PTPRN2: variants seen among roughly 807,000 people sequenced by gnomAD.
PTPRN2 encodes receptor-type tyrosine-protein phosphatase N2.
PTPRN2 carries 74 observed loss-of-function variants against 118.8 expected under a neutral mutation model. The ratio of observed to expected loss-of-function variants is 0.62; its 90% CI spans 0.52 to 0.76. The LOEUF (loss-of-function observed/expected upper bound fraction) is 0.76. Among genes scored for constraint, PTPRN2 ranks in the 30% least tolerant of loss-of-function variants. The pLI is 0.00. For synonymous variants in PTPRN2, 641 were observed against 608.0 expected (o/e 1.05, Z -0.80); for missense variants, 1,481 against 1,394.4 (o/e 1.06, Z -0.99).
intron 9 of PTPRN2, among the ~76,000 whole-genome samples, chr7:158,129,465 C>T (rs917527024): frequency 6.7e-6 from 1 of 149,658 alleles, no homozygotes; most frequent in African/African-American, 2.5e-5. Context: ...ATATACAACA[C>T]ACTGTGCACC....
chr7:158,402,432 C>T (rs1365159045), intron 2 of PTPRN2, among the ~76,000 whole-genome samples: 4 of 152,142 alleles, frequency 2.6e-5, no homozygotes, highest in African/African-American at 4.8e-5. Context: ...GTGCACCCCA[C>T]GCCCTCTTCT....
intron 9 of PTPRN2, among the ~76,000 whole-genome samples, chr7:158,113,085 CAA>C (rs768521145): frequency 2.0e-5 from 3 of 151,874 alleles, no homozygotes; most frequent in Non-Finnish European, 4.4e-5. Context: ...GGGGAACTGG[CAA>C]AAGAGAATGA....
intron 6 of PTPRN2, among the ~76,000 whole-genome samples, chr7:158,143,668 G>A (rs879676576): frequency 1.3e-5 from 2 of 152,172 alleles, no homozygotes; most frequent in Non-Finnish European, 2.9e-5. Context: ...TGGGGCAGGA[G>A]GGCCCCAGAG....
At chr7:158,342,210 C>G (rs1563179753) in intron 2 of PTPRN2, among the ~76,000 whole-genome samples, 1 of 137,082 alleles carries the variant, frequency 7.3e-6, no homozygotes, top group African/African-American at 2.8e-5. Flanking sequence ...CACACCCACA[C>G]ACGTCACTCA....
chr7:157,773,813 G>A (rs958094785), intron 12 of PTPRN2, among the ~76,000 whole-genome samples: 5 of 152,214 alleles, frequency 3.3e-5, no homozygotes, highest in African/African-American at 1.2e-4. Flanking sequence ...TCTTTGTGAT[G>A]ATGGTAACAA....
At chr7:158,189,898 G>A (rs1052244393) in intron 5 of PTPRN2, among the ~76,000 whole-genome samples, 1 of 152,154 alleles carries the variant, frequency 6.6e-6, no homozygotes, top group Non-Finnish European at 1.5e-5. Context: ...AATTACCAAC[G>A]TTCAAGAGGG....
chr7:157,982,763 G>C (rs1803388462), intron 11 of PTPRN2, among the ~76,000 whole-genome samples: 1 of 113,222 alleles, frequency 8.8e-6, no homozygotes. Context: ...GCAGAGTGCA[G>C]GGTCCCCCCC....
chr7:157,974,221 C>A lies in PTPRN2; in HGVS notation c.1724-75484G>T, dbSNP rs1802562291. 6.6e-6 allele frequency among the ~76,000 whole-genome samples: 1 copy of A among 152,202 alleles called. No homozygotes were observed. On this transcript the variant is annotated intron_variant, in intron 11 of 22. Transcript: ENST00000389418. This position sits in a 1 kb window ranked among gnomAD's most constrained non-coding sequence, Gnocchi z 4.0. Reference sequence around the variant, plus strand: ...GCACCCTGGTTGATGTGCAGAGTGACCCTGCAGTCAAGTCTGTTTGCCTCC... The same window carrying A: ...GCACCCTGGTTGATGTGCAGAGTGAACCTGCAGTCAAGTCTGTTTGCCTCC...
intron 1 of PTPRN2, among the ~76,000 whole-genome samples, chr7:158,580,223 T>C (rs945117571): frequency 6.6e-6 from 1 of 152,234 alleles, no homozygotes; most frequent in African/African-American, 2.4e-5. Context: ...CAGCCTCAAA[T>C]TGTACCACAG....
Position 157,615,830 on chromosome 7 carries a change from G to A in PTPRN2, c.2344+5532C>T, listed in dbSNP as rs1049610540. On this transcript the variant is annotated intron_variant, in intron 15 of 22. Transcript: ENST00000389418. The surrounding 1 kb of genome is among the most constrained non-coding windows in gnomAD (Gnocchi z 4.3). ...TGACTGTCACCAACGGGGGGTGGGG[G>A]GTGCGCGAGGCCCTGGGCTCCACCG... The A allele has an allele frequency of 1.4e-5, 5 of 358,322 alleles. No individual in the cohort carries two copies. The highest frequency in any genetic ancestry group is 2.8e-5 in the Non-Finnish European group (5 of 181,458). 22.2% of individuals were successfully genotyped at this position (358,322 alleles called of 1,614,324 possible). A position where few individuals can be genotyped will look rare whatever the true frequency, so the allele number is the denominator to read the frequency against.
intron 3 of PTPRN2, among the ~76,000 whole-genome samples, chr7:158,255,540 AGAG>A (rs1294067283): frequency 6.6e-6 from 1 of 152,228 alleles, no homozygotes; most frequent in African/African-American, 2.4e-5. Flanking sequence ...GGGGAACTGC[AGAG>A]GACAGTATGT....
intron 1 of PTPRN2, chr7:158,541,852 C>A (rs1826002138): frequency 1.8e-6 from 1 of 556,436 alleles, no homozygotes; most frequent in Non-Finnish European, 2.3e-6. Context: ...CGCATCACAC[C>A]TGCTTCCAAT....
chr7:158,268,351 C>A (rs933869979), intron 3 of PTPRN2, among the ~76,000 whole-genome samples: 1 of 149,314 alleles, frequency 6.7e-6, no homozygotes. Context: ...GTGAAATATC[C>A]CAGCTGCACG....
chr7:158,123,425 T>A (rs1817339830), intron 9 of PTPRN2, among the ~76,000 whole-genome samples: 1 of 152,164 alleles, frequency 6.6e-6, no homozygotes, highest in Non-Finnish European at 1.5e-5. Context: ...CGACACCATG[T>A]CTGTCTCCAC....
chr7:158,026,453 G>A (rs527511978), intron 11 of PTPRN2, among the ~76,000 whole-genome samples: 6 of 152,204 alleles, frequency 3.9e-5, no homozygotes, highest in Admixed American at 2.0e-4. Context: ...ACAGCATGGC[G>A]TGGATTTTGG....
intron 2 of PTPRN2, among the ~76,000 whole-genome samples, chr7:158,320,578 A>G (rs896778): frequency 0.4 from 59,231 of 146,744 alleles, 11,756 homozygotes; most frequent in Middle Eastern, 0.48. Context: ...CCGTGTTCCC[A>G]CGTCCTCGGC....
intron 2 of PTPRN2, among the ~76,000 whole-genome samples, chr7:158,444,553 C>T (rs1031481189): frequency 1.3e-5 from 2 of 152,256 alleles, no homozygotes; most frequent in Non-Finnish European, 2.9e-5. Context: ...CAGGCCAAAA[C>T]CCTGTTAGAG....
intron 2 of PTPRN2, among the ~76,000 whole-genome samples, chr7:158,388,783 G>C (rs1811702930): frequency 6.6e-6 from 1 of 152,170 alleles, no homozygotes; most frequent in Non-Finnish European, 1.5e-5. Flanking sequence ...AGGGCTCCCA[G>C]CCACCTCTCA....
In PTPRN2 at chr7:158,570,869, A is replaced by G. The variant is rs79017893; in HGVS notation, c.112+16689T>C. 5.6e-3 allele frequency among the ~76,000 whole-genome samples: 857 copies of G among 152,328 alleles called. 51 individuals are homozygous for G. In the East Asian group the frequency reaches 0.14, roughly 25 times the overall value. On this transcript the variant is annotated intron_variant, in intron 1 of 22. Coordinates refer to ENST00000389418, the MANE Select transcript of PTPRN2 (RefSeq NM_002847.5). This position sits in a 1 kb window ranked among gnomAD's most constrained non-coding sequence, Gnocchi z 4.5. ...TCCATAAAAGCCCGACATTGTGGAA[A>G]GACACAAACGTGCATGGACCTGGTT...
Sources: allele counts gnomAD v4.1 joint callset (sites outside exome capture counted in the v4.1 genomes callset), GRCh38; gene constraint gnomAD v4.1.1; non-coding constraint Gnocchi (gnomAD v3.1); transcripts MANE v1.5; gene names NCBI Gene and HGNC (gene_info 2026-07-23, HGNC 2026-07-21).